Variants in TMEM178B observed in about 807,000 individuals in gnomAD.
TMEM178B encodes transmembrane protein 178B.
Under a neutral mutation model 31.0 loss-of-function variants are expected in TMEM178B, and 5 were observed. That is an observed-to-expected ratio of 0.16 (90% confidence interval 0.08 to 0.34). TMEM178B has a LOEUF of 0.34. TMEM178B is among the 10% of genes least tolerant of loss of function. The pLI, the probability that TMEM178B is intolerant of heterozygous loss-of-function variation, is 1.00. For missense variants in TMEM178B, 275 were observed against 400.3 expected (o/e 0.69, Z 2.67); for synonymous variants, 164 against 164.0 (o/e 1.00, Z 0.00).
At chr7:141,500,034 C>A in the TMEM178B span, among the ~76,000 whole-genome samples, 30 of 152,176 alleles carry the variant, frequency 2.0e-4, no homozygotes, top group East Asian at 3.1e-3. Flanking sequence ...AAACTGTGTT[C>A]AATTTCTCAC....
At chr7:141,251,304 A>C (rs2116338891) in intron 2 of TMEM178B, among the ~76,000 whole-genome samples, 1 of 152,198 alleles carries the variant, frequency 6.6e-6, no homozygotes. Context: ...GAAGCATTAA[A>C]GAATGACAGC....
At chr7:141,213,758 GA>G (rs1797085460) in intron 2 of TMEM178B, among the ~76,000 whole-genome samples, 1 of 152,188 alleles carries the variant, frequency 6.6e-6, no homozygotes, top group Admixed American at 6.5e-5. Flanking sequence ...CTTCGGGTGG[GA>G]GTGGGAGGTG....
chr7:141,194,156 A>C (rs1015544832), intron 1 of TMEM178B, among the ~76,000 whole-genome samples: 9 of 151,930 alleles, frequency 5.9e-5, no homozygotes, highest in Non-Finnish European at 1.3e-4. Flanking sequence ...ATATCATTCC[A>C]CCCCTGGCCT....
chr7:141,345,581 G>A (rs1397094500), intron 2 of TMEM178B, among the ~76,000 whole-genome samples: 1 of 152,178 alleles, frequency 6.6e-6, no homozygotes. Context: ...TTATGTTCAA[G>A]TATTAGGTGA....
chr7:141,174,488 T>G (rs1046954072), intron 1 of TMEM178B, among the ~76,000 whole-genome samples: 3 of 152,182 alleles, frequency 2.0e-5, no homozygotes, highest in African/African-American at 7.2e-5. Flanking sequence ...GTAATGGGAT[T>G]GCTGGGTCAA....
At chr7:141,374,731 T>G (rs1274718926) in intron 2 of TMEM178B, among the ~76,000 whole-genome samples, 1 of 152,224 alleles carries the variant, frequency 6.6e-6, no homozygotes, top group Non-Finnish European at 1.5e-5. Context: ...TTTACTCCGG[T>G]GTTTACTTTT....
At chr7:141,439,100 G>T (rs1801609429) in intron 3 of TMEM178B, among the ~76,000 whole-genome samples, 1 of 152,030 alleles carries the variant, frequency 6.6e-6, no homozygotes, top group Non-Finnish European at 1.5e-5. Flanking sequence ...GACAGGAGGA[G>T]TTCATTGCTC....
chr7:141,075,748 G>C (rs1337741035), intron 1 of TMEM178B, among the ~76,000 whole-genome samples: 1 of 152,130 alleles, frequency 6.6e-6, no homozygotes, highest in Non-Finnish European at 1.5e-5. Flanking sequence ...TGATGTCAAG[G>C]TGACAAAGAT....
chr7:141,510,889 G>C, the TMEM178B span, among the ~76,000 whole-genome samples: 7 of 151,980 alleles, frequency 4.6e-5, no homozygotes, highest in Non-Finnish European at 8.8e-5. Context: ...ACAAAGAAGG[G>C]TGACAACTGG....
intron 3 of TMEM178B, among the ~76,000 whole-genome samples, chr7:141,447,612 G>C (rs1801784274): frequency 1.3e-5 from 2 of 152,086 alleles, no homozygotes; most frequent in African/African-American, 4.8e-5. Flanking sequence ...GCAATCATTT[G>C]ATACCGTGTG....
rs183838258 is a variant in TMEM178B, at chr7:141,150,084, T to C, written c.383-62507T>C. Among the ~76,000 whole-genome samples the C allele has an allele frequency of 1.2e-3, 177 of 152,156 alleles. 1 individual carries two copies. The highest frequency in any genetic ancestry group is 4.0e-3 in the African/African-American group (165 of 41,530). ...GGCTGAGGAGTCTCTTTAGCGGGGT[T>C]GGAAAGACTATGGATGGAGCAGATT... On this transcript the variant is annotated intron_variant, in intron 1 of 3. Coordinates refer to ENST00000565468, the MANE Select transcript of TMEM178B (RefSeq NM_001195278.2).
intron 2 of TMEM178B, among the ~76,000 whole-genome samples, chr7:141,322,584 A>G (rs6952213): frequency 0.15 from 22,878 of 152,140 alleles, 2,459 homozygotes; most frequent in African/African-American, 0.3. Context: ...ACAGAGTCAT[A>G]GGAGTCTGGG....
intron 2 of TMEM178B, among the ~76,000 whole-genome samples, chr7:141,393,812 A>G (rs10266594): frequency 0.12 from 17,652 of 152,220 alleles, 1,252 homozygotes; most frequent in African/African-American, 0.18. Context: ...TAGGCCAACT[A>G]GACAAGTGAA....
chr7:141,298,543 A>C (rs193271771), intron 2 of TMEM178B, among the ~76,000 whole-genome samples: 2 of 152,344 alleles, frequency 1.3e-5, no homozygotes, highest in Non-Finnish European at 2.9e-5. Context: ...ATTGGGTAGA[A>C]TTCTTCAGAA....
intron 3 of TMEM178B, among the ~76,000 whole-genome samples, chr7:141,469,667 A>T (rs111824200): frequency 6.6e-6 from 1 of 152,184 alleles, no homozygotes; most frequent in Non-Finnish European, 1.5e-5. Context: ...AAATGCAGAG[A>T]AAAGTTATTG....
At chr7:141,411,113 G>C (rs1014102150) in intron 2 of TMEM178B, among the ~76,000 whole-genome samples, 3 of 151,018 alleles carry the variant, frequency 2.0e-5, no homozygotes, top group African/African-American at 7.3e-5. Context: ...GGAGGCTAGG[G>C]GCTGAGGATG....
At chr7:141,337,666 T>G (rs1799447864) in intron 2 of TMEM178B, among the ~76,000 whole-genome samples, 1 of 152,196 alleles carries the variant, frequency 6.6e-6, no homozygotes, top group Non-Finnish European at 1.5e-5. Flanking sequence ...GATATTTATG[T>G]GTGTGCTTTT....
At chr7:141,184,770 C>T (rs1481444132) in intron 1 of TMEM178B, among the ~76,000 whole-genome samples, 1 of 152,192 alleles carries the variant, frequency 6.6e-6, no homozygotes, top group African/African-American at 2.4e-5. Flanking sequence ...GATCTATTGT[C>T]CTTGGACCAA....
chr7:141,348,365 A>G (rs766492140), intron 2 of TMEM178B, among the ~76,000 whole-genome samples: 2 of 152,206 alleles, frequency 1.3e-5, no homozygotes, highest in Non-Finnish European at 2.9e-5. Context: ...GACAGGATTC[A>G]TGTGGTCTTT....
Sources: gnomAD v4.1 joint callset for allele counts (sites outside exome capture counted in the v4.1 genomes callset) on GRCh38, gnomAD v4.1.1 for gene constraint, MANE v1.5 for transcripts, NCBI Gene and HGNC (gene_info 2026-07-23, HGNC 2026-07-21) for gene names.